Variants in SIRT4 observed in about 807,000 individuals in gnomAD.
The protein encoded by SIRT4 is NAD-dependent protein lipoamidase sirtuin-4, mitochondrial.
Under a neutral mutation model 26.1 loss-of-function variants are expected in SIRT4, and 23 were observed. The observed-to-expected ratio is 0.88, with a 90% confidence interval of 0.63 to 1.25. SIRT4 has a LOEUF of 1.25. SIRT4 is among the 50% of genes most tolerant of loss of function. SIRT4 has a pLI of 0.00. For missense variants in SIRT4, 361 were observed against 405.4 expected, an observed-to-expected ratio of 0.89 and a Z score of 0.94; for synonymous variants, 155 against 158.4, an observed-to-expected ratio of 0.98 and a Z score of 0.16.
the SIRT4 span, among the ~76,000 whole-genome samples, chr12:120,296,517 T>TG: frequency 7.8e-5 from 1 of 12,880 alleles, no homozygotes; most frequent in Non-Finnish European, 2.6e-4. Context: ...TTTTTTTTTG[T>TG]TTTTTTTTTT....
In SIRT4 at chr12:120,310,474, C is replaced by T. The variant is rs182450194; in HGVS notation, c.498-1982C>T. Among the ~76,000 whole-genome samples the T allele has an allele frequency of 1.0e-3, 154 of 152,260 alleles. 1 individual carries two copies. The East Asian group carries it at 0.017, about 17-fold the overall frequency. The stretch of plus-strand genomic sequence containing the variant: ...TCAAGCGATTCTCTTGCTTTACGCT[C>T]CCAAAGTGCTGGGATTACAAGGTGT... On this transcript the variant is annotated intron_variant, in intron 2 of 3. Coordinates refer to ENST00000202967, the MANE Select transcript of SIRT4 (RefSeq NM_012240.3).
chr12:120,303,606 T>C lies in SIRT4; in HGVS notation c.45T>C (p.Arg15=), dbSNP rs1872623991. The change falls in exon 2 of 4, where the codon CGT becomes CGC. Residue 15 remains arginine, a synonymous_variant. Transcript: ENST00000202967. ...FALTFRSAKG[R]WIANPSQPCS... ...TGACTTTCAGGTCAGCAAAAGGCCG[T>C]TGGATCGCAAACCCCAGCCAGCCGT... 6.2e-7 allele frequency: 1 copy of C among 1,613,908 alleles called. No individual in the cohort carries two copies. The highest frequency in any genetic ancestry group is 1.3e-5 in the African/African-American group (1 of 74,886).
In SIRT4 at chr12:120,312,519, C is replaced by T; in HGVS notation, c.561C>T (p.Val187=). 1 of 1,614,136 alleles carries T rather than the reference C, an allele frequency of 6.2e-7. No individual in the cohort carries two copies. Among genetic ancestry groups the T allele is most frequent in the Non-Finnish European group, 8.5e-7 (1 of 1,180,026 alleles). ...GGGTGCTGCAAGAGCGTTTCCAAGT[C>T]CTGAACCCCACCTGGAGTGCTGAGG... ...PRGVLQERFQ[V]LNPTWSAEAH... is the part of the protein sequence containing the mutation. Residue 187 remains valine, a synonymous_variant, in exon 3 of 4, where the codon GTC becomes GTT. Coordinates refer to ENST00000202967, the MANE Select transcript of SIRT4 (RefSeq NM_012240.3).
At chr12:120,292,980 A>T in the SIRT4 span, 2 of 152,134 alleles carry the variant, frequency 1.3e-5, no homozygotes, top group Non-Finnish European at 2.9e-5. Flanking sequence ...AGCTGGTAAG[A>T]CACTTCCCCA....
At chr12:120,311,959 T>C (rs1453031928) in intron 2 of SIRT4, among the ~76,000 whole-genome samples, 2 of 151,850 alleles carry the variant, frequency 1.3e-5, no homozygotes, top group Non-Finnish European at 2.9e-5. Context: ...AAGTGAGCTA[T>C]AGCAGAAGGT....
rs201402427 is a variant in SIRT4, at chr12:120,303,892, G to A, written c.331G>A (p.Val111Ile). The A allele has an allele frequency of 6.4e-5, 104 of 1,614,080 alleles. No individual in the cohort carries two copies. Among genetic ancestry groups the A allele is most frequent in the Admixed American group, 1.5e-4 (9 of 59,988 alleles). The change falls in exon 2 of 4, where the codon GTA becomes ATA. Residue 111 changes from valine (V) to isoleucine (I), a missense_variant. Physicochemically the swap from Val to Ile is conservative, Grantham distance 29 (BLOSUM62 3). Coordinates refer to ENST00000202967, the MANE Select transcript of SIRT4 (RefSeq NM_012240.3). ...CCAGCGGTACTGGGCGAGAAACTTC[G>A]TAGGCTGGCCTCAATTCTCCTCCCA... is the stretch of plus-strand genomic sequence containing the variant. ...IRQRYWARNF[V>I]GWPQFSSHQP...
chr12:120,305,235 G>A (rs1007015513), intron 2 of SIRT4, among the ~76,000 whole-genome samples: 2 of 57,222 alleles, frequency 3.5e-5, no homozygotes, highest in Non-Finnish European at 6.9e-5. Context: ...TTGTGTTTGT[G>A]TGTGCACGTG....
rs1566462558 is a variant in SIRT4 at position 120,303,549 on chromosome 12, C to CT, written c.-1-7dup. 6.4e-7 allele frequency: 1 copy of CT among 1,566,034 alleles called. No homozygotes were observed. Among genetic ancestry groups the CT allele is most frequent in the East Asian group, 2.2e-5 (1 of 44,496 alleles). On this transcript the variant is annotated splice_polypyrimidine_tract_variant and intron_variant, in intron 1 of 3. Coordinates refer to ENST00000202967, the MANE Select transcript of SIRT4 (RefSeq NM_012240.3). ...CACCCCAGTTTCTCACATGAGGCTTCTTTTTCTCTAGAATGAAGATGAGCT... is the reference window on the plus strand; with the variant it reads ...CACCCCAGTTTCTCACATGAGGCTTCTTTTTTCTCTAGAATGAAGATGAGCT...
At chr12:120,292,899 A>C in the SIRT4 span, among the ~76,000 whole-genome samples, 1 of 152,218 alleles carries the variant, frequency 6.6e-6, no homozygotes, top group African/African-American at 2.4e-5. Context: ...AGAGATCACA[A>C]AATCAGCAAC....
At chr12:120,312,431 C>T (rs1466746280) in intron 2 of SIRT4, 25 bp from the exon 3 acceptor site, 1 of 1,584,572 alleles carries the variant, frequency 6.3e-7, no homozygotes, top group South Asian at 1.2e-5. Flanking sequence ...GCATACTGTT[C>T]AGTCAGCGTC....
intron 2 of SIRT4, among the ~76,000 whole-genome samples, chr12:120,309,877 G>A (rs558350842): frequency 2.0e-5 from 3 of 151,318 alleles, no homozygotes; most frequent in Non-Finnish European, 2.9e-5. Flanking sequence ...CACCACACCC[G>A]GCTAATTTTT....
chr12:120,304,835 A>ATATTT lies in SIRT4; in HGVS notation c.497+778_497+779insATTTT, dbSNP rs1872689615. 1.6e-4 allele frequency among the ~76,000 whole-genome samples: 4 copies of ATATTT among 24,876 alleles called. No individual in the cohort carries two copies. The South Asian group carries it at 4.8e-3, about 30-fold the overall frequency. 16.3% of individuals were successfully genotyped at this position (24,876 alleles called of 152,430 possible). A position where few individuals can be genotyped will look rare whatever the true frequency, so the allele number is the denominator to read the frequency against. On this transcript the variant is annotated intron_variant, in intron 2 of 3. Transcript: ENST00000202967. ...TATATATATATATATATATATATAT[A>ATATTT]TTTTTTTTTTTTTTTTTTTTTTTTA...
At chr12:120,297,212 G>T in the SIRT4 span, among the ~76,000 whole-genome samples, 6 of 150,118 alleles carry the variant, frequency 4.0e-5, no homozygotes, top group Middle Eastern at 7.0e-3. Context: ...GATAGAGCGA[G>T]ACTCCGTCTC....
intron 2 of SIRT4, among the ~76,000 whole-genome samples, chr12:120,308,437 C>T (rs57384430): frequency 0.058 from 8,729 of 150,232 alleles, 398 homozygotes; most frequent in Admixed American, 0.15. Context: ...CCTCCCAAAG[C>T]GCTGGGATTA....
chr12:120,296,991 G>A, the SIRT4 span, among the ~76,000 whole-genome samples: 3 of 151,072 alleles, frequency 2.0e-5, no homozygotes, highest in South Asian at 2.1e-4. Flanking sequence ...TTGGGAGGCC[G>A]AGGCGGGTGG....
Position 120,303,977 on chromosome 12 carries a change from G to C in SIRT4, c.416G>C (p.Trp139Ser), listed in dbSNP as rs771556756. ...TGGGAGAAACTCGGAAAGCTGTACTGGTTGGTGACCCAAAATGTGGATGCT... is the reference window on the plus strand; with the variant it reads ...TGGGAGAAACTCGGAAAGCTGTACTCGTTGGTGACCCAAAATGTGGATGCT... Reference protein sequence around the residue: ...STWEKLGKLYWLVTQNVDALH... With the variant: ...STWEKLGKLYSLVTQNVDALH... The change falls in exon 2 of 4, where the codon TGG (tryptophan) becomes TCG (serine). Residue 139 changes from tryptophan (W) to serine (S), a missense_variant. Coordinates refer to ENST00000202967, the MANE Select transcript of SIRT4 (RefSeq NM_012240.3). 3.5e-5 allele frequency: 57 copies of C among 1,614,022 alleles called. No individual in the cohort carries two copies. Among genetic ancestry groups the C allele is most frequent in the Non-Finnish European group, 4.1e-5 (48 of 1,180,048 alleles).
the SIRT4 span, among the ~76,000 whole-genome samples, chr12:120,294,006 CT>C: frequency 2.6e-4 from 22 of 83,976 alleles, no homozygotes; most frequent in Admixed American, 3.1e-4. Context: ...GAGATGTTAT[CT>C]TTTTTTTTTT....
chr12:120,301,465 CGTT>C (rs1230685516), upstream of SIRT4, among the ~76,000 whole-genome samples: 11 of 152,192 alleles, frequency 7.2e-5, no homozygotes, highest in Admixed American at 5.9e-4. Context: ...TTGATACTGT[CGTT>C]GTGAATGAAA....
chr12:120,312,190 A>T (rs891085906), intron 2 of SIRT4, among the ~76,000 whole-genome samples: 6 of 152,116 alleles, frequency 3.9e-5, no homozygotes, highest in Non-Finnish European at 7.4e-5. Flanking sequence ...CAGGAGGATG[A>T]GGTGGGAGGA....
Sources: gnomAD v4.1 joint callset for allele counts (sites outside exome capture counted in the v4.1 genomes callset) on GRCh38, gnomAD v4.1.1 for gene constraint, MANE v1.5 for transcripts, NCBI Gene and HGNC (gene_info 2026-07-23, HGNC 2026-07-21) for gene names.